The following RAB40C variants were observed in gnomAD, a reference collection of about 807,000 sequenced individuals.
The protein encoded by RAB40C is RAB40C, member RAS oncogene family.
Under a neutral mutation model 28.1 loss-of-function variants are expected in RAB40C, and 8 were observed. That is an observed-to-expected ratio of 0.28 (90% CI 0.17 to 0.51). The LOEUF is 0.51. RAB40C is among the 20% of genes least tolerant of loss of function. The pLI is 0.97. For synonymous variants in RAB40C, 201 were observed against 171.7 expected (o/e 1.17, Z -1.34); for missense variants, 288 against 405.9 (o/e 0.71, Z 2.50).
chr16:622,361 C>T (rs35026625), intron 3 of RAB40C, among the ~76,000 whole-genome samples: 1 of 152,178 alleles, frequency 6.6e-6, no homozygotes, highest in Non-Finnish European at 1.5e-5. Context: ...CCAAGTGCCT[C>T]CACCCCCTTG....
intron 1 of RAB40C, among the ~76,000 whole-genome samples, chr16:595,063 C>T (rs1294733039): frequency 6.6e-6 from 1 of 152,148 alleles, no homozygotes. Flanking sequence ...AAGTGATCCA[C>T]CTGCCTCGGG....
chr16:597,769 C>T (rs2151061158), intron 1 of RAB40C, among the ~76,000 whole-genome samples: 1 of 151,622 alleles, frequency 6.6e-6, no homozygotes, highest in East Asian at 2.0e-4. Flanking sequence ...GAATTACAGG[C>T]ATGAGCCACT....
rs538319843 is a variant in RAB40C at position 596,259 on chromosome 16, G to A, written c.142+5826G>A. Reference sequence around the variant, plus strand: ...GGGGAGCTGAGAGGTGGGCGGGAAGGACACAAGGGAGGGATCTGGGTCCTC... The same window carrying A: ...GGGGAGCTGAGAGGTGGGCGGGAAGAACACAAGGGAGGGATCTGGGTCCTC... On this transcript the variant is annotated intron_variant, in intron 1 of 5. Coordinates refer to ENST00000248139, the MANE Select transcript of RAB40C (RefSeq NM_021168.5). The A allele has an allele frequency of 1.8e-5, 8 of 455,210 alleles. No individual in the cohort carries two copies. In the East Asian group the frequency reaches 4.9e-4, roughly 28 times the overall value. The allele number at this position is 455,210 out of a possible 1,614,324, so 28.2% of individuals were successfully genotyped here.
intron 1 of RAB40C, among the ~76,000 whole-genome samples, chr16:603,094 GT>G (rs2036289488): frequency 6.6e-6 from 1 of 152,194 alleles, no homozygotes; most frequent in Non-Finnish European, 1.5e-5. Flanking sequence ...CCAGACCTGT[GT>G]TTTTTGTTTT....
At position 624,812 on chromosome 16, in the gene RAB40C, T is replaced by G. The variant is rs2036793604; in HGVS notation, c.265-620T>G. ...TCTGAGTGTGAGCAGTGTGCTCCCC[T>G]GTGCTGCTGGAGAGCCATGACTGTC... On this transcript the variant is annotated intron_variant, in intron 3 of 5. Transcript: ENST00000248139. 3.0e-6 allele frequency: 3 copies of G among 985,450 alleles called. No homozygotes were observed. In the African/African-American group the frequency reaches 5.2e-5, roughly 17 times the overall value. 61.0% of individuals were successfully genotyped at this position (985,450 alleles called of 1,614,324 possible). A position where few individuals can be genotyped will look rare whatever the true frequency, so the allele number is the denominator to read the frequency against.
intron 1 of RAB40C, among the ~76,000 whole-genome samples, chr16:594,424 C>T (rs1053540380): frequency 6.6e-6 from 1 of 152,174 alleles, no homozygotes; most frequent in African/African-American, 2.4e-5. Context: ...ACTGAGATGT[C>T]TGTGGGGCCA....
chr16:596,334 G>A (rs771075244), intron 1 of RAB40C: 9 of 456,020 alleles, frequency 2.0e-5, no homozygotes, highest in South Asian at 1.4e-4. Flanking sequence ...CTGAGAAGGC[G>A]CGAAGCTGCT....
At position 627,674 on chromosome 16, in the gene RAB40C, A is replaced by G; in HGVS notation, c.*52A>G. ...GATGCCAGGAGGGCTCGAGCTGGAC[A>G]CTCCTGGCTGGACGCCAGGCCAGTG... On this transcript the variant is annotated 3_prime_UTR_variant, in exon 6 of 6. Coordinates refer to ENST00000248139, the MANE Select transcript of RAB40C (RefSeq NM_021168.5). 6.6e-7 allele frequency: 1 copy of G among 1,511,658 alleles called. No homozygotes were observed. Among genetic ancestry groups the G allele is most frequent in the Non-Finnish European group, 8.9e-7 (1 of 1,129,668 alleles). The allele number at this position is 1,511,658 out of a possible 1,614,324, so 93.6% of individuals were successfully genotyped here.
At chr16:596,677 CA>C (rs1227548191) in intron 1 of RAB40C, among the ~76,000 whole-genome samples, 2 of 152,170 alleles carry the variant, frequency 1.3e-5, no homozygotes, top group African/African-American at 4.8e-5. Context: ...TGGCGGGTGT[CA>C]GGGACCAGAA....
chr16:615,131 A>G (rs2036560889), intron 1 of RAB40C, among the ~76,000 whole-genome samples: 1 of 152,212 alleles, frequency 6.6e-6, no homozygotes, highest in Non-Finnish European at 1.5e-5. Flanking sequence ...GAGTCTAGAG[A>G]TCAGTCTCTA....
chr16:605,358 T>G (rs1021696035), intron 1 of RAB40C, among the ~76,000 whole-genome samples: 1 of 152,198 alleles, frequency 6.6e-6, no homozygotes, highest in Non-Finnish European at 1.5e-5. Flanking sequence ...TAATCAGCTT[T>G]ATTGAGGTGT....
chr16:593,098 C>T (rs55703450), intron 1 of RAB40C, among the ~76,000 whole-genome samples: 24,206 of 152,234 alleles, frequency 0.16, 2,180 homozygotes, highest in South Asian at 0.25. Flanking sequence ...GAGAAGGAAG[C>T]GCCTCTGGGC....
At chr16:605,251 G>C (rs892294697) in intron 1 of RAB40C, among the ~76,000 whole-genome samples, 1 of 152,202 alleles carries the variant, frequency 6.6e-6, no homozygotes, top group Non-Finnish European at 1.5e-5. Context: ...TGCTCAAGCA[G>C]CCCCATTGTT....
At chr16:592,484 T>C (rs1273237949) in intron 1 of RAB40C, among the ~76,000 whole-genome samples, 1 of 151,986 alleles carries the variant, frequency 6.6e-6, no homozygotes, top group Non-Finnish European at 1.5e-5. Context: ...GTGGGGGAAG[T>C]GTAAGGCCCA....
Position 590,287 on chromosome 16 carries a change from C to G in RAB40C, c.-5C>G, listed in dbSNP as rs769763298. The stretch of plus-strand genomic sequence containing the variant: ...CGGCCGGCGCGGGGCGCAGGCGGCG[C>G]GGCCATGGGCTCGCAGGGCAGTCCG... On this transcript the variant is annotated 5_prime_UTR_variant, in exon 1 of 6. Transcript: ENST00000248139. 11 of 1,500,194 alleles carry G rather than the reference C, an allele frequency of 7.3e-6. No individual in the cohort carries two copies. The East Asian group carries it at 3.1e-4, about 42-fold the overall frequency. 92.9% of individuals were successfully genotyped at this position (1,500,194 alleles called of 1,614,324 possible). A position where few individuals can be genotyped will look rare whatever the true frequency, so the allele number is the denominator to read the frequency against.
At chr16:590,538 C>T in intron 1 of RAB40C, 105 bp downstream of exon 1, 2 of 1,322,378 alleles carry the variant, frequency 1.5e-6, no homozygotes, top group Non-Finnish European at 2.0e-6. Context: ...GCCGAACGTT[C>T]CCAGGAACGC....
chr16:601,911 A>G (rs1172719413), intron 1 of RAB40C, among the ~76,000 whole-genome samples: 5 of 146,686 alleles, frequency 3.4e-5, no homozygotes, highest in Non-Finnish European at 7.4e-5. Flanking sequence ...GTGGATCACG[A>G]GGTCAGGAGA....
chr16:607,866 G>A (rs1440666895), intron 1 of RAB40C, among the ~76,000 whole-genome samples: 1 of 152,126 alleles, frequency 6.6e-6, no homozygotes, highest in Non-Finnish European at 1.5e-5. Context: ...AAACGAAGTC[G>A]CACCTAGTAA....
chr16:627,597 C>A lies in RAB40C; in HGVS notation c.821C>A (p.Ser274Ter). The A allele has an allele frequency of 6.3e-7, 1 of 1,595,888 alleles. No homozygotes were observed. Among genetic ancestry groups the A allele is most frequent in the Non-Finnish European group, 8.6e-7 (1 of 1,169,268 alleles). Residue 274 changes from serine (S) to a stop codon, truncating the protein, a stop_gained, in exon 6 of 6, where the codon TCG (serine) becomes TAG (stop). Transcript: ENST00000248139. LOFTEE classifies it high-confidence loss of function. ...CCCCAGAGCCCCCCCCAGAACTGCT[C>A]GCGGAGTAACTGCAAGATCTCCTAG... is the stretch of plus-strand genomic sequence containing the variant. ...RPPQSPPQNC[S>*]RSNCKIS
Sources: gnomAD v4.1 joint callset for allele counts (sites outside exome capture counted in the v4.1 genomes callset) on GRCh38, gnomAD v4.1.1 for gene constraint, MANE v1.5 for transcripts, NCBI Gene and HGNC (gene_info 2026-07-23, HGNC 2026-07-21) for gene names.